Variants in BOLA3 observed in about 807,000 individuals in gnomAD.
BOLA3 encodes bolA-like protein 3.
Under a neutral mutation model 14.5 loss-of-function variants are expected in BOLA3, and 8 were observed. That is an observed-to-expected ratio of 0.55 (90% CI 0.32 to 0.99). BOLA3 has a LOEUF of 0.99. Among genes scored for constraint, BOLA3 ranks in the 50% least tolerant of loss-of-function variants. The pLI is 0.04. For synonymous variants in BOLA3, 42 were observed against 45.7 expected, an observed-to-expected ratio of 0.92 and a Z score of 0.33; for missense variants, 115 against 138.2, an observed-to-expected ratio of 0.83 and a Z score of 0.84.
At chr2:74,142,079 T>C (rs968690287) in intron 3 of BOLA3, among the ~76,000 whole-genome samples, 193 bp downstream of exon 3, 2 of 152,274 alleles carry the variant, frequency 1.3e-5, no homozygotes, top group African/African-American at 4.8e-5. Flanking sequence ...GTCTTCAATT[T>C]TGAATAAAAT....
intron 3 of BOLA3, among the ~76,000 whole-genome samples, chr2:74,140,409 G>A (rs932616206): frequency 6.6e-6 from 1 of 152,170 alleles, no homozygotes; most frequent in African/African-American, 2.4e-5. Context: ...GAAAACACAA[G>A]CCAACTCTCC....
intron 3 of BOLA3, among the ~76,000 whole-genome samples, chr2:74,135,948 CTTT>C (rs55654893): frequency 1.0e-4 from 14 of 134,678 alleles, no homozygotes; most frequent in Non-Finnish European, 1.1e-4. Flanking sequence ...TCTTGTGTAT[CTTT>C]TTTTTTTTTT....
At chr2:74,140,631 G>A (rs1446055377) in intron 3 of BOLA3, among the ~76,000 whole-genome samples, 1 of 152,166 alleles carries the variant, frequency 6.6e-6, no homozygotes, top group Non-Finnish European at 1.5e-5. Context: ...AAGACCGTGA[G>A]GTGACACTCC....
intron 3 of BOLA3, among the ~76,000 whole-genome samples, chr2:74,141,976 G>C (rs972653162): frequency 1.3e-5 from 2 of 152,196 alleles, no homozygotes; most frequent in Non-Finnish European, 2.9e-5. Context: ...TTTTAGCAGT[G>C]TCTGTGTTTA....
intron 1 of BOLA3, chr2:74,146,855 T>C (rs141815617): frequency 1.5e-3 from 226 of 152,546 alleles, no homozygotes; most frequent in Admixed American, 2.4e-3. Context: ...TGGTGCTGGA[T>C]GAATGAATGA....
Position 74,142,136 on chromosome 2 carries a change from G to A in BOLA3, c.258+136C>T, listed in dbSNP as rs1161845083. On this transcript the variant is annotated intron_variant, in intron 3 of 3. Transcript: ENST00000327428. ...TACTCCCAGATTCGATTTTTCTCAG[G>A]TCTTGAGTCCTGTTTCGTGATTGCA... 6 of 702,958 alleles carry A rather than the reference G, an allele frequency of 8.5e-6. No individual in the cohort carries two copies. The Admixed American group carries it at 8.8e-5, about 10-fold the overall frequency. 43.5% of individuals were successfully genotyped at this position (702,958 alleles called of 1,614,324 possible).
chr2:74,139,242 T>G (rs769486853), intron 3 of BOLA3, among the ~76,000 whole-genome samples: 30 of 152,160 alleles, frequency 2.0e-4, no homozygotes, highest in Non-Finnish European at 3.5e-4. Context: ...TCAGGCCTTT[T>G]GGGCAGAAAA....
intron 2 of BOLA3, among the ~76,000 whole-genome samples, chr2:74,143,513 G>A (rs1330190619): frequency 6.6e-6 from 1 of 151,896 alleles, no homozygotes; most frequent in Non-Finnish European, 1.5e-5. Flanking sequence ...TTAAACCCAG[G>A]TTCTCAGCCT....
At chr2:74,146,334 G>C (rs1692544954) in intron 1 of BOLA3, 1 of 152,286 alleles carries the variant, frequency 6.6e-6, no homozygotes, top group African/African-American at 2.4e-5. Flanking sequence ...TCAACAGTTA[G>C]TAGTGAAGGA....
intron 3 of BOLA3, among the ~76,000 whole-genome samples, chr2:74,139,291 T>C (rs376464484): frequency 9.9e-5 from 15 of 152,074 alleles, no homozygotes; most frequent in Non-Finnish European, 1.3e-4. Flanking sequence ...CTACTACGCA[T>C]AGGGTGAGTA....
intron 3 of BOLA3, 56 bp from the exon 4 acceptor site, chr2:74,135,714 T>G: frequency 8.2e-7 from 1 of 1,216,048 alleles, no homozygotes; most frequent in Non-Finnish European, 1.2e-6. Flanking sequence ...ATTACAGTAA[T>G]TCTCTGAGAG....
Position 74,136,729 on chromosome 2 carries a change from G to C in BOLA3, c.259-1071C>G, listed in dbSNP as rs111352263. On this transcript the variant is annotated intron_variant, in intron 3 of 3. Coordinates refer to ENST00000327428, the MANE Select transcript of BOLA3 (RefSeq NM_212552.3). ...CTGTCCCCTAGCGAACTTTTAGGCT[G>C]TTTCCTGTGTTTTGTTATTTCGAGC... Among the ~76,000 whole-genome samples, 101 of 152,326 alleles carry C rather than the reference G, an allele frequency of 6.6e-4. 1 individual carries two copies. The highest frequency in any genetic ancestry group is 1.0e-3 in the Non-Finnish European group (68 of 68,028).
chr2:74,138,875 CCT>C (rs60857420), intron 3 of BOLA3, among the ~76,000 whole-genome samples: 1,972 of 152,290 alleles, frequency 0.013, 35 homozygotes, highest in African/African-American at 0.045. Context: ...TCAAATCTCA[CCT>C]CTGTCCACCT....
rs1012917997 is a variant in BOLA3 at position 74,135,418 on chromosome 2, A to G, written c.*175T>C. 9.3e-7 allele frequency: 1 copy of G among 1,078,914 alleles called. No individual in the cohort carries two copies. Among genetic ancestry groups the G allele is most frequent in the African/African-American group, 1.6e-5 (1 of 63,156 alleles). 66.8% of individuals were successfully genotyped at this position (1,078,914 alleles called of 1,614,324 possible). ...TTACTAATGACCCTTCAAAAGCTTC[A>G]GTTGTTTGTTTCCTTTAATTAACAT... On this transcript the variant is annotated 3_prime_UTR_variant, in exon 4 of 4. Coordinates refer to ENST00000327428, the MANE Select transcript of BOLA3 (RefSeq NM_212552.3).
intron 3 of BOLA3, among the ~76,000 whole-genome samples, chr2:74,140,411 C>T (rs1398670574): frequency 6.6e-6 from 1 of 152,210 alleles, no homozygotes; most frequent in East Asian, 1.9e-4. Context: ...AAACACAAGC[C>T]AACTCTCCTC....
intron 1 of BOLA3, 125 bp downstream of exon 1, chr2:74,147,696 C>A: frequency 1.3e-6 from 1 of 798,842 alleles, no homozygotes; most frequent in Non-Finnish European, 2.0e-6. Flanking sequence ...GAAGAGGAGC[C>A]CCCCATTGCC....
intron 1 of BOLA3, chr2:74,147,162 T>C (rs1015575090): frequency 6.6e-6 from 1 of 152,468 alleles, no homozygotes. Context: ...CGGCCTTTAG[T>C]GGAACAATCA....
chr2:74,137,801 C>T (rs969792397), intron 3 of BOLA3, among the ~76,000 whole-genome samples: 1 of 152,186 alleles, frequency 6.6e-6, no homozygotes, highest in African/African-American at 2.4e-5. Context: ...CAATCAAGTG[C>T]AGGGCCCTCA....
chr2:74,144,833 A>AG (rs1276163719), intron 2 of BOLA3, among the ~76,000 whole-genome samples: 2 of 152,218 alleles, frequency 1.3e-5, no homozygotes, highest in Non-Finnish European at 2.9e-5. Context: ...TCCAGCTCTG[A>AG]TATCCTAGGG....
Sources: allele counts gnomAD v4.1 joint callset (sites outside exome capture counted in the v4.1 genomes callset), GRCh38; gene constraint gnomAD v4.1.1; transcripts MANE v1.5; gene names NCBI Gene and HGNC (gene_info 2026-07-23, HGNC 2026-07-21).